ANO4: variants seen among roughly 807,000 people sequenced by gnomAD.
ANO4 encodes anoctamin 4, also known as anoctamin-4.
In ANO4, 69 loss-of-function variants were observed where a neutral mutation model predicts 141.9. The ratio of observed to expected loss-of-function variants is 0.49; its 90% CI spans 0.40 to 0.59. The LOEUF is 0.59. ANO4 is among the 20% of genes least tolerant of loss of function. ANO4 has a pLI of 0.00. For synonymous variants in ANO4, 350 were observed against 394.3 expected (o/e 0.89, Z 1.33); for missense variants, 894 against 1,162.2 (o/e 0.77, Z 3.36).
chr12:101,006,218 G>A (rs1207945304), intron 8 of ANO4, among the ~76,000 whole-genome samples: 3 of 152,122 alleles, frequency 2.0e-5, no homozygotes, highest in Non-Finnish European at 2.9e-5. Context: ...CAGAAAGCAC[G>A]TTAGAATACC....
At chr12:100,894,891 G>A (rs1007042517) in intron 1 of ANO4, among the ~76,000 whole-genome samples, 7 of 150,586 alleles carry the variant, frequency 4.6e-5, no homozygotes, top group Non-Finnish European at 8.9e-5. Flanking sequence ...GCGTGAACCC[G>A]GGAGGCGGAG....
At chr12:101,015,024 ACT>A (rs2046257482) in intron 8 of ANO4, among the ~76,000 whole-genome samples, 3 of 141,370 alleles carry the variant, frequency 2.1e-5, no homozygotes, top group Non-Finnish European at 4.7e-5. Context: ...ATGGGGTCTC[ACT>A]ATGTTGCCCT....
chr12:101,061,795 G>T (rs1446673226), intron 14 of ANO4, among the ~76,000 whole-genome samples: 1 of 151,732 alleles, frequency 6.6e-6, no homozygotes, highest in Non-Finnish European at 1.5e-5. Context: ...TTTTTTCAAG[G>T]TTCTTAGCTT....
intron 3 of ANO4, among the ~76,000 whole-genome samples, chr12:100,772,195 A>G (rs1352237398): frequency 6.6e-6 from 1 of 152,230 alleles, no homozygotes; most frequent in Non-Finnish European, 1.5e-5. Flanking sequence ...GTACTAGTTG[A>G]GGAAGCATGA....
At chr12:100,909,064 A>G (rs2040980166) in intron 2 of ANO4, among the ~76,000 whole-genome samples, 1 of 152,212 alleles carries the variant, frequency 6.6e-6, no homozygotes. Flanking sequence ...TTTGTTACCA[A>G]CAAGAGAAAC....
chr12:101,104,631 A>G (rs1024146851), intron 22 of ANO4, among the ~76,000 whole-genome samples: 2,748 of 39,346 alleles, frequency 0.07, 32 homozygotes, highest in African/African-American at 0.22. Flanking sequence ...ATGTGTGTAT[A>G]TATATATATA....
chr12:100,745,364 C>G (rs2032056423), intron 3 of ANO4, among the ~76,000 whole-genome samples: 1 of 152,178 alleles, frequency 6.6e-6, no homozygotes. Flanking sequence ...ACTGGCAATT[C>G]TTATGCACAG....
intron 3 of ANO4, among the ~76,000 whole-genome samples, chr12:100,764,313 C>T (rs1428927926): frequency 6.6e-6 from 1 of 152,130 alleles, no homozygotes; most frequent in Non-Finnish European, 1.5e-5. Context: ...ATCTAGGAAC[C>T]CAGCTCAAGA....
intron 14 of ANO4, among the ~76,000 whole-genome samples, chr12:101,056,641 C>A (rs903421431): frequency 6.6e-6 from 1 of 151,954 alleles, no homozygotes; most frequent in Admixed American, 6.6e-5. Context: ...AAGTTATGTA[C>A]TAGACATCCT....
At chr12:101,061,659 C>G (rs937694561) in intron 14 of ANO4, among the ~76,000 whole-genome samples, 7 of 151,706 alleles carry the variant, frequency 4.6e-5, no homozygotes, top group African/African-American at 1.5e-4. Context: ...ATCCTTTCTT[C>G]TGCTTGATCG....
intron 8 of ANO4, among the ~76,000 whole-genome samples, chr12:101,014,066 G>T (rs1853654120): frequency 6.6e-6 from 1 of 152,032 alleles, no homozygotes; most frequent in Non-Finnish European, 1.5e-5. Context: ...GAGAAACTAG[G>T]TTTTTTTCAC....
At chr12:101,096,764 G>A (rs2050001548) in intron 19 of ANO4, 117 bp downstream of exon 19, 2 of 751,360 alleles carry the variant, frequency 2.7e-6, no homozygotes, top group Non-Finnish European at 4.4e-6. Flanking sequence ...TGTAAAAAGG[G>A]AAGAGCATCC....
chr12:101,118,892 G>A (rs988676176), intron 25 of ANO4, among the ~76,000 whole-genome samples: 8 of 109,540 alleles, frequency 7.3e-5, no homozygotes, highest in African/African-American at 2.6e-4. Context: ...GACAGGCCCC[G>A]GTGTGTGATG....
chr12:101,104,926 T>C (rs1487995086), intron 22 of ANO4, among the ~76,000 whole-genome samples: 3 of 152,072 alleles, frequency 2.0e-5, no homozygotes, highest in Non-Finnish European at 2.9e-5. Context: ...ACTTTTGCTT[T>C]ATGTATTTTG....
intron 8 of ANO4, among the ~76,000 whole-genome samples, chr12:100,993,540 T>C (rs142537485): frequency 1.3e-5 from 2 of 152,200 alleles, no homozygotes; most frequent in African/African-American, 4.8e-5. Context: ...TAGAACAGCA[T>C]AGAAGTTTAC....
chr12:100,918,011 A>G (rs1037112787), intron 2 of ANO4, among the ~76,000 whole-genome samples: 2 of 152,170 alleles, frequency 1.3e-5, no homozygotes, highest in Admixed American at 6.5e-5. Context: ...GAATTTTTAC[A>G]TGTCTTTAAA....
chr12:101,104,221 G>A (rs916756813), intron 22 of ANO4, among the ~76,000 whole-genome samples: 2 of 151,252 alleles, frequency 1.3e-5, no homozygotes, highest in African/African-American at 4.9e-5. Context: ...TTTGCCTTTT[G>A]GTTCATTCAT....
intron 22 of ANO4, among the ~76,000 whole-genome samples, chr12:101,102,935 AGAGTT>A (rs2050247994): frequency 6.6e-6 from 1 of 151,746 alleles, no homozygotes; most frequent in South Asian, 2.1e-4. Context: ...AATTTAGATT[AGAGTT>A]GTTTCTAGGC....
At chr12:100,801,942 G>T (rs2135666331) in intron 1 of ANO4, among the ~76,000 whole-genome samples, 1 of 152,312 alleles carries the variant, frequency 6.6e-6, no homozygotes, top group South Asian at 2.1e-4. Flanking sequence ...TCAAAAGTCT[G>T]TATTCTGCAG....
Sources: allele counts gnomAD v4.1 joint callset (sites outside exome capture counted in the v4.1 genomes callset), GRCh38; gene constraint gnomAD v4.1.1; transcripts MANE v1.5; gene names NCBI Gene and HGNC (gene_info 2026-07-23, HGNC 2026-07-21).